The following DIP2C variants were observed in gnomAD, a reference collection of about 807,000 sequenced individuals.
DIP2C encodes the protein DIP2 acetate--CoA ligase C (putative), also known as disco-interacting protein 2 homolog C.
DIP2C carries 33 observed loss-of-function variants against 192.4 expected under a neutral mutation model. The ratio of observed to expected loss-of-function variants is 0.17; its 90% CI spans 0.13 to 0.23. The LOEUF (loss-of-function observed/expected upper bound fraction) is 0.23. DIP2C is among the 10% of genes least tolerant of loss of function. The probability of loss-of-function intolerance (pLI) is 1.00; values close to 1 mark genes in which losing one functional copy is unlikely to be tolerated. For missense variants in DIP2C, 1,537 were observed against 2,110.1 expected (o/e 0.73, Z 5.32); for synonymous variants, 979 against 864.1 (o/e 1.13, Z -2.33).
chr10:305,930 A>C (rs1956294318), intron 32 of DIP2C, among the ~76,000 whole-genome samples: 1 of 150,952 alleles, frequency 6.6e-6, no homozygotes, highest in Admixed American at 6.6e-5. Context: ...TACCGGTGTG[A>C]GCCCATTCCC....
At chr10:591,321 C>CA (rs1851392526) in intron 1 of DIP2C, among the ~76,000 whole-genome samples, 1 of 152,094 alleles carries the variant, frequency 6.6e-6, no homozygotes, top group Non-Finnish European at 1.5e-5. Flanking sequence ...GACAGGGTTT[C>CA]ACCATGTTGG....
chr10:539,196 A>G (rs905528753), intron 1 of DIP2C, among the ~76,000 whole-genome samples: 13 of 152,230 alleles, frequency 8.5e-5, no homozygotes, highest in Non-Finnish European at 1.6e-4. Flanking sequence ...GAGTGCTCAT[A>G]TTAATCCTTT....
At chr10:503,967 T>C (rs1464625899) in intron 1 of DIP2C, among the ~76,000 whole-genome samples, 2 of 152,206 alleles carry the variant, frequency 1.3e-5, no homozygotes, top group Non-Finnish European at 2.9e-5. Flanking sequence ...ACTCAGAAAT[T>C]AAATTCCAGA....
intron 1 of DIP2C, among the ~76,000 whole-genome samples, chr10:516,260 T>A (rs1238191662): frequency 1.8e-5 from 2 of 109,900 alleles, no homozygotes; most frequent in Non-Finnish European, 3.6e-5. Context: ...TAACCTGTTG[T>A]TGACCTGCTT....
At chr10:287,421 C>A (rs1010923429) in intron 33 of DIP2C, among the ~76,000 whole-genome samples, 1 of 152,106 alleles carries the variant, frequency 6.6e-6, no homozygotes, top group Non-Finnish European at 1.5e-5. Flanking sequence ...AAACACAGAA[C>A]GTCTTGGAAT....
At chr10:405,760 G>C (rs10904138) in intron 9 of DIP2C, among the ~76,000 whole-genome samples, 2 of 151,968 alleles carry the variant, frequency 1.3e-5, no homozygotes, top group African/African-American at 4.8e-5. Context: ...ATCAGGAGAC[G>C]CACACTCAAC....
At chr10:680,737 T>C (rs1831099809) in intron 1 of DIP2C, among the ~76,000 whole-genome samples, 1 of 152,238 alleles carries the variant, frequency 6.6e-6, no homozygotes, top group South Asian at 2.1e-4. Context: ...AAACAGATTG[T>C]TCTGAATTGT....
chr10:281,749 G>A (rs1239949111), intron 35 of DIP2C, among the ~76,000 whole-genome samples: 1 of 152,234 alleles, frequency 6.6e-6, no homozygotes, highest in Non-Finnish European at 1.5e-5. Flanking sequence ...CCAGCTCTGT[G>A]ACTCTATCCC....
chr10:591,979 C>T (rs953541824), intron 1 of DIP2C, among the ~76,000 whole-genome samples: 4 of 152,124 alleles, frequency 2.6e-5, no homozygotes, highest in East Asian at 1.9e-4. Flanking sequence ...GAGTCTAAGT[C>T]GCCAGAAAAC....
In DIP2C at chr10:584,045, G is replaced by A. The variant is rs915872493; in HGVS notation, c.86-97515C>T. Among the ~76,000 whole-genome samples the A allele has an allele frequency of 5.3e-4, 80 of 152,136 alleles. 1 individual carries two copies. Among genetic ancestry groups the A allele is most frequent in the African/African-American group, 1.9e-3 (78 of 41,430 alleles). Reference sequence around the variant, plus strand: ...CTCTGTCCCTTGGTGTCTGTCCTATGGAGGAGGTGGCCCCCAAATCCCTGC... The same window carrying A: ...CTCTGTCCCTTGGTGTCTGTCCTATAGAGGAGGTGGCCCCCAAATCCCTGC... On this transcript the variant is annotated intron_variant, in intron 1 of 36. Transcript: ENST00000280886.
intron 3 of DIP2C, among the ~76,000 whole-genome samples, chr10:470,679 G>C (rs1440000355): frequency 6.6e-6 from 1 of 151,468 alleles, no homozygotes; most frequent in Non-Finnish European, 1.5e-5. Flanking sequence ...GCATCGTGGA[G>C]AGAGAGAGAA....
intron 29 of DIP2C, among the ~76,000 whole-genome samples, chr10:329,948 T>C (rs1336011334): frequency 6.6e-6 from 1 of 151,856 alleles, no homozygotes; most frequent in Admixed American, 6.6e-5. Flanking sequence ...AAATTTCGGT[T>C]TAAAAAAAAA....
At chr10:488,822 A>T (rs530941857) in intron 1 of DIP2C, among the ~76,000 whole-genome samples, 24 of 152,298 alleles carry the variant, frequency 1.6e-4, no homozygotes, top group Admixed American at 1.0e-3. Context: ...AAAACCAGAC[A>T]ATGTCCCATA....
intron 1 of DIP2C, among the ~76,000 whole-genome samples, chr10:522,159 G>A (rs1846752677): frequency 6.6e-6 from 1 of 151,638 alleles, no homozygotes; most frequent in Non-Finnish European, 1.5e-5. Flanking sequence ...TTTCCAGGCT[G>A]TCCTGTCGTT....
rs756099667 is a variant in DIP2C, at chr10:366,336, C to G, written c.2207G>C (p.Cys736Ser). ...GTAGGACGTGCCCGTCGCAACTGCA[C>G]ACACACACAGCTCCCCGATCTCATC... is the stretch of plus-strand genomic sequence containing the variant. Reference protein sequence around the residue: ...RTDEIGELCVCAVATGTSYYG... With the variant: ...RTDEIGELCVSAVATGTSYYG... Residue 736 changes from cysteine (C) to serine (S), a missense_variant, in exon 19 of 37, where the codon TGT becomes TCT. Physicochemically the swap from Cys to Ser is moderately radical, Grantham distance 112. Around this residue, in one of 4 missense-constraint regions of DIP2C, gnomAD observed 677 missense variants for 989.9 expected, o/e 0.68. Transcript: ENST00000280886. 2.5e-6 allele frequency: 4 copies of G among 1,614,066 alleles called. No individual in the cohort carries two copies. Among genetic ancestry groups the G allele is most frequent in the East Asian group, 2.2e-5 (1 of 44,896 alleles).
intron 1 of DIP2C, among the ~76,000 whole-genome samples, chr10:585,369 G>A (rs1739382535): frequency 6.6e-6 from 1 of 152,200 alleles, no homozygotes; most frequent in African/African-American, 2.4e-5. Flanking sequence ...GAAGACGGGT[G>A]TTCCCAAACA....
At chr10:309,942 A>AC (rs1390587409) in intron 32 of DIP2C, 89 bp downstream of exon 32, 4 of 1,262,806 alleles carry the variant, frequency 3.2e-6, no homozygotes, top group Non-Finnish European at 4.6e-6. Flanking sequence ...CATCGTGTGC[A>AC]CCTCTTCTTC....
chr10:420,279 G>C (rs1419842008), intron 5 of DIP2C, among the ~76,000 whole-genome samples: 2 of 152,278 alleles, frequency 1.3e-5, no homozygotes, highest in Non-Finnish European at 2.9e-5. Context: ...ACGCTGCTTT[G>C]TGATCTGAGA....
chr10:327,540 A>C (rs939632771), intron 30 of DIP2C, among the ~76,000 whole-genome samples: 16 of 152,208 alleles, frequency 1.1e-4, no homozygotes, highest in African/African-American at 1.4e-4. Flanking sequence ...GATGTACCAG[A>C]ACACACACTG....
Sources: gnomAD v4.1 joint callset for allele counts (sites outside exome capture counted in the v4.1 genomes callset) on GRCh38, gnomAD v4.1.1 for gene constraint, gnomAD v4.1.1 regional missense constraint, MANE v1.5 for transcripts, NCBI Gene and HGNC (gene_info 2026-07-23, HGNC 2026-07-21) for gene names.